ZNF536: variants seen among roughly 807,000 people sequenced by gnomAD.
The protein encoded by ZNF536 is zinc finger protein 536.
In ZNF536, 13 loss-of-function variants were observed where a neutral mutation model predicts 84.5. That is an observed-to-expected ratio of 0.15 (90% CI 0.10 to 0.24). The LOEUF is 0.24. Among genes scored for constraint, ZNF536 ranks in the 10% least tolerant of loss-of-function variants. The pLI is 1.00. For synonymous variants in ZNF536, 811 were observed against 742.5 expected (o/e 1.09, Z -1.50); for missense variants, 1,536 against 1,747.5 (o/e 0.88, Z 2.16).
chr19:30,633,916 A>G (rs1235814512), intron 1 of ZNF536, among the ~76,000 whole-genome samples: 1 of 152,096 alleles, frequency 6.6e-6, no homozygotes, highest in Non-Finnish European at 1.5e-5. Flanking sequence ...TTAATTTTAA[A>G]GATGTCATCT....
intron 2 of ZNF536, among the ~76,000 whole-genome samples, chr19:30,346,301 T>C (rs1820271877): frequency 6.6e-6 from 1 of 152,226 alleles, no homozygotes; most frequent in African/African-American, 2.4e-5. Flanking sequence ...AAATCATATA[T>C]TTAGACCAAA....
intron 2 of ZNF536, among the ~76,000 whole-genome samples, chr19:30,307,208 G>A (rs139152798): frequency 6.6e-6 from 1 of 151,806 alleles, no homozygotes; most frequent in East Asian, 1.9e-4. Flanking sequence ...TTATAACTTT[G>A]AAAAAACACT....
rs2146176293 is a variant in ZNF536 at position 30,547,997 on chromosome 19, C to T, written c.2378C>T (p.Ser793Phe). 6.2e-7 allele frequency: 1 copy of T among 1,606,956 alleles called. No individual in the cohort carries two copies. The highest frequency in any genetic ancestry group is 8.5e-7 in the Non-Finnish European group (1 of 1,176,526). Residue 793 changes from serine to phenylalanine, a missense_variant, in exon 4 of 5, where the codon TCC becomes TTC. Ser to Phe is a radical substitution (Grantham distance 155). Coordinates refer to ENST00000355537, the MANE Select transcript of ZNF536 (RefSeq NM_014717.3). The stretch of plus-strand genomic sequence containing the variant: ...GACTATGCCGGCACGCAGTCAGCAT[C>T]CTTAAAATACCACTTAGAGCGACAC... ...HCDYAGTQSASLKYHLERHHR... is the reference protein window; with the variant it reads ...HCDYAGTQSAFLKYHLERHHR...
intron 1 of ZNF536, among the ~76,000 whole-genome samples, chr19:30,646,557 C>T (rs190879567): frequency 1.1e-4 from 16 of 152,312 alleles, no homozygotes; most frequent in East Asian, 9.7e-4. Flanking sequence ...GTGACTTTGC[C>T]GGTCAGTGGG....
intron 1 of ZNF536, among the ~76,000 whole-genome samples, chr19:30,620,711 T>C (rs1277375771): frequency 5.9e-5 from 9 of 152,316 alleles, no homozygotes; most frequent in African/African-American, 2.2e-4. Context: ...CGTGTTCCTG[T>C]CTTATTTTAG....
chr19:30,230,347 A>T (rs760716668), intron 1 of ZNF536, among the ~76,000 whole-genome samples: 4 of 152,264 alleles, frequency 2.6e-5, no homozygotes, highest in Non-Finnish European at 5.9e-5. Flanking sequence ...TCCTGGAGAC[A>T]TAAATGGTAA....
intron 1 of ZNF536, among the ~76,000 whole-genome samples, chr19:30,631,246 G>A (rs2048877272): frequency 6.6e-6 from 1 of 152,216 alleles, no homozygotes; most frequent in African/African-American, 2.4e-5. Flanking sequence ...AAGCTGAAAT[G>A]TGCAGTCACC....
intron 2 of ZNF536, among the ~76,000 whole-genome samples, chr19:30,318,360 C>T (rs146160681): frequency 9.1e-4 from 139 of 152,282 alleles, no homozygotes; most frequent in African/African-American, 3.2e-3. Flanking sequence ...AGGAAGGAAC[C>T]GGGCAAACCA....
At chr19:30,566,877 C>A (rs565018430) in intron 1 of ZNF536, among the ~76,000 whole-genome samples, 1 of 145,430 alleles carries the variant, frequency 6.9e-6, no homozygotes, top group African/African-American at 2.6e-5. Flanking sequence ...TGGAAGTCCC[C>A]GGGAGTGGCT....
rs184750020 is a variant in ZNF536, at chr19:30,333,481, C to T, written c.-119-18887C>T. 1.4e-4 allele frequency among the ~76,000 whole-genome samples: 21 copies of T among 152,316 alleles called. No individual in the cohort carries two copies. In the South Asian group the frequency reaches 2.1e-3, roughly 15 times the overall value. ...TCTGAGAGCTACGTGGCCATGAGGCCGCTGGTCAAGAGATTCCTCCTCTTC... is the reference window on the plus strand; with the variant it reads ...TCTGAGAGCTACGTGGCCATGAGGCTGCTGGTCAAGAGATTCCTCCTCTTC... On this transcript the variant is annotated intron_variant, in intron 2 of 5. Transcript: ENST00000585628.
chr19:30,361,126 T>C (rs1243480442), intron 3 of ZNF536, among the ~76,000 whole-genome samples: 1 of 152,224 alleles, frequency 6.6e-6, no homozygotes, highest in Admixed American at 6.5e-5. Flanking sequence ...TTTTTAATAT[T>C]TGATTTCATT....
rs947814717 is a variant in ZNF536 at position 30,548,479 on chromosome 19, G to A, written c.2860G>A (p.Gly954Ser). The change falls in exon 4 of 5, where the codon GGT (glycine) becomes AGT (serine). Residue 954 changes from glycine (G) to serine (S), a missense_variant. This residue lies in a region of ZNF536 where 624 missense variants were observed against 603.1 expected (regional missense o/e 1.03). Coordinates refer to ENST00000355537, the MANE Select transcript of ZNF536 (RefSeq NM_014717.3). The part of the protein sequence containing the change: ...PPSMKVHGVD[G>S]GEEKPSGKSS... Reference sequence around the variant, plus strand: ...TTCCATGAAAGTCCACGGAGTGGATGGTGGTGAGGAGAAACCCAGTGGCAA... The same window carrying A: ...TTCCATGAAAGTCCACGGAGTGGATAGTGGTGAGGAGAAACCCAGTGGCAA... 6.2e-7 allele frequency: 1 copy of A among 1,614,066 alleles called. No homozygotes were observed. Among genetic ancestry groups the A allele is most frequent in the African/African-American group, 1.3e-5 (1 of 74,950 alleles).
intron 3 of ZNF536, among the ~76,000 whole-genome samples, chr19:30,539,585 G>A (rs975346018): frequency 6.6e-6 from 1 of 152,194 alleles, no homozygotes; most frequent in Non-Finnish European, 1.5e-5. Flanking sequence ...TGGGGAGGGC[G>A]CATGTCCCCA....
chr19:30,531,603 C>T (rs2044824346), intron 2 of ZNF536, among the ~76,000 whole-genome samples: 1 of 152,112 alleles, frequency 6.6e-6, no homozygotes, highest in African/African-American at 2.4e-5. Context: ...TCCCTACCTC[C>T]CCTGCCCTTG....
intron 2 of ZNF536, among the ~76,000 whole-genome samples, chr19:30,291,720 C>T (rs2045846809): frequency 6.6e-6 from 1 of 152,220 alleles, no homozygotes; most frequent in Non-Finnish European, 1.5e-5. Flanking sequence ...CAGGCCTCCA[C>T]TTCTTCCACA....
intron 2 of ZNF536, among the ~76,000 whole-genome samples, chr19:30,327,005 C>T (rs1568334209): frequency 1.3e-5 from 2 of 151,428 alleles, no homozygotes; most frequent in Non-Finnish European, 2.9e-5. Context: ...TACTCAGGCG[C>T]GGTCTTATTG....
chr19:30,339,183 G>T (rs1262080829), intron 2 of ZNF536, among the ~76,000 whole-genome samples: 1 of 152,196 alleles, frequency 6.6e-6, no homozygotes, highest in Non-Finnish European at 1.5e-5. Flanking sequence ...AAAAAGGGGA[G>T]AGCGTCCCAG....
intron 2 of ZNF536, among the ~76,000 whole-genome samples, chr19:30,532,978 G>A (rs2044906359): frequency 6.6e-6 from 1 of 152,130 alleles, no homozygotes; most frequent in Non-Finnish European, 1.5e-5. Flanking sequence ...GTGACTTTGA[G>A]TTCTAGATGT....
chr19:30,422,157 T>A (rs566621367), intron 1 of ZNF536, among the ~76,000 whole-genome samples: 2 of 152,240 alleles, frequency 1.3e-5, no homozygotes, highest in Non-Finnish European at 2.9e-5. Context: ...TTTTAGACTA[T>A]TTTTATTTTA....
Sources: allele counts gnomAD v4.1 joint callset (sites outside exome capture counted in the v4.1 genomes callset), GRCh38; gene constraint gnomAD v4.1.1; regional missense constraint gnomAD v4.1.1; transcripts MANE v1.5; gene names NCBI Gene and HGNC (gene_info 2026-07-23, HGNC 2026-07-21).